Variants in NAV1 observed in about 807,000 individuals in gnomAD.
The protein encoded by NAV1 is pore membrane and/or filament interacting like protein 3.
In NAV1, 18 loss-of-function variants were observed where a neutral mutation model predicts 175.2. The observed-to-expected ratio is 0.10, with a 90% confidence interval of 0.07 to 0.15. The LOEUF (loss-of-function observed/expected upper bound fraction) is 0.15. Among genes scored for constraint, NAV1 ranks in the 10% least tolerant of loss-of-function variants. The pLI is 1.00. For missense variants in NAV1, 1,731 were observed against 2,436.6 expected (o/e 0.71, Z 6.10); for synonymous variants, 897 against 978.7 (o/e 0.92, Z 1.56).
chr1:201,739,006 C>G (rs993637422), intron 3 of NAV1, among the ~76,000 whole-genome samples: 1 of 152,154 alleles, frequency 6.6e-6, no homozygotes. Flanking sequence ...CTAATTCCCC[C>G]CACAGGGCTC....
chr1:201,755,451 GAGGAGGAGGAAGAAGAGA>G (rs1341522067), intron 3 of NAV1, among the ~76,000 whole-genome samples: 1 of 151,996 alleles, frequency 6.6e-6, no homozygotes, highest in Non-Finnish European at 1.5e-5. Context: ...AGAAGAGGAG[GAGGAGGAGGAAGAAGAGA>G]AAGAGGAGGA....
intron 2 of NAV1, among the ~76,000 whole-genome samples, chr1:201,714,466 C>T (rs1672052593): frequency 6.6e-6 from 1 of 152,154 alleles, no homozygotes; most frequent in South Asian, 2.1e-4. Context: ...CTGGGGATTA[C>T]CTCTGCTCAG....
At chr1:201,614,610 G>C (rs950729502) in intron 2 of NAV1, among the ~76,000 whole-genome samples, 1 of 152,194 alleles carries the variant, frequency 6.6e-6, no homozygotes, top group Non-Finnish European at 1.5e-5. Context: ...CTTGCTCTGG[G>C]GTTTGCAGAG....
chr1:201,790,502 A>G (rs1194404743), intron 11 of NAV1, 52 bp from the exon 16 acceptor site: 2 of 1,608,362 alleles, frequency 1.2e-6, no homozygotes, highest in Non-Finnish European at 1.7e-6. Flanking sequence ...TCACCTCCAT[A>G]GTAACTACTT....
chr1:201,630,437 C>T (rs61819726), intron 2 of NAV1, among the ~76,000 whole-genome samples: 5,207 of 152,352 alleles, frequency 0.034, 119 homozygotes, highest in Middle Eastern at 0.11. Flanking sequence ...GCTTAGAACA[C>T]AGCCTGACCC....
intron 1 of NAV1, among the ~76,000 whole-genome samples, chr1:201,556,080 GA>G (rs1389639623): frequency 6.6e-6 from 1 of 152,070 alleles, no homozygotes; most frequent in East Asian, 1.9e-4. Context: ...CACAGCTTAG[GA>G]CTGTCCTAGG....
intron 1 of NAV1, among the ~76,000 whole-genome samples, chr1:201,649,893 A>G (rs1325773530): frequency 6.6e-6 from 1 of 152,066 alleles, no homozygotes; most frequent in Non-Finnish European, 1.5e-5. Context: ...TGGCCCCGGA[A>G]CACAGCTGAG....
At chr1:201,681,350 T>G (rs1394129688) in intron 1 of NAV1, among the ~76,000 whole-genome samples, 1 of 152,192 alleles carries the variant, frequency 6.6e-6, no homozygotes, top group Non-Finnish European at 1.5e-5. Flanking sequence ...AAACTCTGGG[T>G]TGAGAAAGGT....
At chr1:201,793,341 ACGCACC>A in intron 13 of NAV1, 1 of 154,966 alleles carries the variant, frequency 6.5e-6, no homozygotes, top group Non-Finnish European at 1.4e-5. Context: ...GGAGGAAGAA[ACGCACC>A]AAATAGTTTC....
chr1:201,810,762 G>A lies in NAV1; in HGVS notation c.4797+4G>A. 1 of 1,610,032 alleles carries A rather than the reference G, an allele frequency of 6.2e-7. No individual in the cohort carries two copies. The highest frequency in any genetic ancestry group is 8.5e-7 in the Non-Finnish European group (1 of 1,176,932). On this transcript the variant is annotated splice_donor_region_variant and intron_variant, in intron 24 of 29. Transcript: ENST00000367296. The surrounding 1 kb of genome is among the most constrained non-coding windows in gnomAD (Gnocchi z 6.0). The stretch of plus-strand genomic sequence containing the variant: ...CATGCACCAGCAGTCTTGCAAGGTG[G>A]CTGCCCCCCGACACCCCTGCCAGCC...
intron 1 of NAV1, among the ~76,000 whole-genome samples, chr1:201,685,386 C>G (rs951097046): frequency 6.6e-6 from 1 of 152,232 alleles, no homozygotes; most frequent in African/African-American, 2.4e-5. Context: ...CTCAGACCAG[C>G]CCCATCACAG....
Position 201,788,712 on chromosome 1 carries a change from C to A in NAV1, c.3166+74C>A. On this transcript the variant is annotated intron_variant, in intron 10 of 29. Coordinates refer to ENST00000367296, the Ensembl canonical transcript of NAV1. This position sits in a 1 kb window ranked among gnomAD's most constrained non-coding sequence, Gnocchi z 5.7. The stretch of plus-strand genomic sequence containing the variant: ...TCCCCTCACCCACCACCTCCACTCC[C>A]ACCACTCCTACCACCACACACATAT... 1 of 1,437,556 alleles carries A rather than the reference C, an allele frequency of 7.0e-7. No homozygotes were observed. Among genetic ancestry groups the A allele is most frequent in the African/African-American group, 1.4e-5 (1 of 71,370 alleles). The allele number at this position is 1,437,556 out of a possible 1,614,324, so 89.1% of individuals were successfully genotyped here.
At position 201,804,505 on chromosome 1, in the gene NAV1, A is replaced by T. The variant is rs1188943105; in HGVS notation, c.3648+8A>T. 20 of 1,542,068 alleles carry T rather than the reference A, an allele frequency of 1.3e-5. No individual in the cohort carries two copies. The highest frequency in any genetic ancestry group is 1.7e-5 in the Non-Finnish European group (19 of 1,144,382). On this transcript the variant is annotated splice_region_variant and intron_variant, in intron 17 of 29. Transcript: ENST00000367296. ...TTTTTCCAGGTCTATGAGGTAAGAGACCCAGTTCCTATCCCCTTATTTTCT... is the reference window on the plus strand; with the variant it reads ...TTTTTCCAGGTCTATGAGGTAAGAGTCCCAGTTCCTATCCCCTTATTTTCT...
intron 3 of NAV1, among the ~76,000 whole-genome samples, chr1:201,764,836 G>A (rs189541896): frequency 2.2e-3 from 336 of 152,282 alleles, no homozygotes; most frequent in Non-Finnish European, 3.6e-3. Flanking sequence ...AAGGGCATTC[G>A]GTTCTCCAGA....
At chr1:201,824,967 A>G (rs939187982) in exon 30 of NAV1, 3 of 152,210 alleles carry the variant, frequency 2.0e-5, no homozygotes, top group Non-Finnish European at 4.4e-5. Context: ...AGCCCTTTAT[A>G]GTATTGGAGT....
intron 2 of NAV1, among the ~76,000 whole-genome samples, chr1:201,600,436 C>T (rs528181698): frequency 1.3e-5 from 2 of 152,254 alleles, no homozygotes; most frequent in Non-Finnish European, 2.9e-5. Flanking sequence ...GATCCTGGAA[C>T]AGAAAAAGAA....
chr1:201,731,614 C>T (rs1220356106), intron 3 of NAV1, among the ~76,000 whole-genome samples: 4 of 152,208 alleles, frequency 2.6e-5, no homozygotes, highest in African/African-American at 9.7e-5. Flanking sequence ...CCCTCTTTGA[C>T]TGCTCACCCT....
chr1:201,660,004 A>G (rs1179425268), intron 1 of NAV1, among the ~76,000 whole-genome samples: 3 of 152,076 alleles, frequency 2.0e-5, no homozygotes, highest in Admixed American at 6.5e-5. Flanking sequence ...CCTAGGAGCT[A>G]TTGTCCTAGA....
chr1:201,563,914 G>T (rs1466623680), intron 1 of NAV1, among the ~76,000 whole-genome samples: 2 of 152,034 alleles, frequency 1.3e-5, no homozygotes, highest in African/African-American at 4.8e-5. Context: ...GGGCAACATA[G>T]CAAGACCCCC....
Sources: gnomAD v4.1 joint callset for allele counts (sites outside exome capture counted in the v4.1 genomes callset) on GRCh38, gnomAD v4.1.1 for gene constraint, Gnocchi (gnomAD v3.1) non-coding constraint, MANE v1.5 for transcripts, NCBI Gene and HGNC (gene_info 2026-07-23, HGNC 2026-07-21) for gene names.